STPG2: variants seen among roughly 807,000 people sequenced by gnomAD.
The protein encoded by STPG2 is sperm-tail PG-rich repeat-containing protein 2.
Under a neutral mutation model 54.2 loss-of-function variants are expected in STPG2, and 56 were observed. That is an observed-to-expected ratio of 1.03 (90% CI 0.83 to 1.29). The LOEUF (loss-of-function observed/expected upper bound fraction) is 1.29, where lower values mean the gene tolerates loss of function less well. Among genes scored for constraint, STPG2 ranks in the 50% most tolerant of loss-of-function variants. The pLI, the probability that STPG2 is intolerant of heterozygous loss-of-function variation, is 0.00. For synonymous variants in STPG2, 200 were observed against 181.8 expected (o/e 1.10, Z -0.81); for missense variants, 596 against 544.9 (o/e 1.09, Z -0.93).
At chr4:98,113,509 C>CT (rs1739420241) in intron 3 of STPG2, among the ~76,000 whole-genome samples, 2 of 151,986 alleles carry the variant, frequency 1.3e-5, no homozygotes, top group South Asian at 4.2e-4. Context: ...ATTTCCAGCA[C>CT]TGTACGTGGT....
At chr4:97,717,565 CTGTT>C in intron 9 of STPG2, among the ~76,000 whole-genome samples, 1 of 152,268 alleles carries the variant, frequency 6.6e-6, no homozygotes, top group East Asian at 1.9e-4. Flanking sequence ...ACAGCAATGT[CTGTT>C]TATCTGTGTA....
chr4:97,446,670 G>T (rs1729229879), intron 4 of STPG2, among the ~76,000 whole-genome samples: 1 of 152,144 alleles, frequency 6.6e-6, no homozygotes, highest in Non-Finnish European at 1.5e-5. Context: ...GTTCTCATGA[G>T]ATCTGATGGT....
intron 9 of STPG2, among the ~76,000 whole-genome samples, chr4:97,741,809 T>G (rs1272271388): frequency 6.6e-6 from 1 of 152,064 alleles, no homozygotes; most frequent in Non-Finnish European, 1.5e-5. Flanking sequence ...AGTGTGGCGA[T>G]TCCTCAGGGA....
chr4:97,768,144 G>A (rs1726113940), intron 9 of STPG2, among the ~76,000 whole-genome samples: 1 of 148,974 alleles, frequency 6.7e-6, no homozygotes, highest in Admixed American at 6.7e-5. Context: ...TCCAGCCTGG[G>A]CAACAGAGCG....
chr4:97,491,073 T>C (rs1730494351), intron 4 of STPG2, among the ~76,000 whole-genome samples: 1 of 151,512 alleles, frequency 6.6e-6, no homozygotes, highest in African/African-American at 2.4e-5. Context: ...ATATTCTAAC[T>C]CTGGTGAGGT....
intron 4 of STPG2, among the ~76,000 whole-genome samples, chr4:97,488,956 T>C (rs1254558667): frequency 2.0e-5 from 3 of 151,698 alleles, no homozygotes; most frequent in Non-Finnish European, 4.4e-5. Context: ...GTGTCCCCAC[T>C]CAAATCTCAT....
At chr4:97,934,938 C>T (rs1404486979) in intron 8 of STPG2, among the ~76,000 whole-genome samples, 2 of 152,180 alleles carry the variant, frequency 1.3e-5, no homozygotes, top group East Asian at 3.9e-4. Context: ...ATGGTAACAG[C>T]TCCTCTTTGT....
chr4:97,734,295 G>A (rs1272325673), intron 9 of STPG2, among the ~76,000 whole-genome samples: 1 of 152,094 alleles, frequency 6.6e-6, no homozygotes, highest in Admixed American at 6.5e-5. Flanking sequence ...AAATTCAGGA[G>A]TACAGTTGCA....
intron 7 of STPG2, among the ~76,000 whole-genome samples, chr4:97,969,500 C>T (rs1016491736): frequency 3.3e-5 from 5 of 152,170 alleles, no homozygotes; most frequent in Non-Finnish European, 7.3e-5. Flanking sequence ...AGTGACCCCC[C>T]TGGACCCAGC....
intron 10 of STPG2, among the ~76,000 whole-genome samples, chr4:97,590,692 C>A (rs1055173559): frequency 6.9e-6 from 1 of 144,406 alleles, no homozygotes; most frequent in Admixed American, 7.0e-5. Flanking sequence ...CATTAAAGGA[C>A]CAACAAAGAA....
chr4:97,542,322 A>T (rs1204884024), intron 4 of STPG2, among the ~76,000 whole-genome samples: 1 of 152,218 alleles, frequency 6.6e-6, no homozygotes, highest in Non-Finnish European at 1.5e-5. Flanking sequence ...ATGTACAGAG[A>T]CTTCTCAAAA....
chr4:97,895,485 C>A (rs1730922659), intron 8 of STPG2, among the ~76,000 whole-genome samples: 1 of 151,758 alleles, frequency 6.6e-6, no homozygotes, highest in Admixed American at 6.6e-5. Context: ...CATAATTATT[C>A]CTTCTGAAAT....
chr4:97,789,637 C>T (rs551053705), intron 9 of STPG2, among the ~76,000 whole-genome samples: 10 of 152,146 alleles, frequency 6.6e-5, no homozygotes, highest in South Asian at 2.1e-4. Context: ...TGATTATATA[C>T]GAACTATTTA....
intron 5 of STPG2, among the ~76,000 whole-genome samples, chr4:98,095,088 C>T (rs1022017689): frequency 1.3e-5 from 2 of 152,052 alleles, no homozygotes; most frequent in African/African-American, 2.4e-5. Context: ...ATGTTATTTG[C>T]TTATATAATT....
At chr4:98,018,228 T>C (rs1736035015) in intron 5 of STPG2, among the ~76,000 whole-genome samples, 1 of 151,962 alleles carries the variant, frequency 6.6e-6, no homozygotes, top group African/African-American at 2.4e-5. Context: ...CCATGTGTTC[T>C]CATTATTCAA....
intron 9 of STPG2, among the ~76,000 whole-genome samples, chr4:97,808,114 C>CTA (rs1727626504): frequency 1.3e-5 from 2 of 151,830 alleles, no homozygotes; most frequent in Non-Finnish European, 2.9e-5. Flanking sequence ...CCAGCAGAAC[C>CTA]ATACTAAAAG....
In STPG2 at chr4:97,471,631, A is replaced by G. The variant is rs1267160740; in HGVS notation, c.462+241068T>C. 5.3e-5 allele frequency among the ~76,000 whole-genome samples: 8 copies of G among 152,296 alleles called. 1 individual carries two copies. Among genetic ancestry groups the G allele is most frequent in the Admixed American group, 5.2e-4 (8 of 15,282 alleles). On this transcript the variant is annotated intron_variant, in intron 4 of 4. Transcript: ENST00000522676. The stretch of plus-strand genomic sequence containing the variant: ...AGGAACTAAATAGAAGTGGGAAAAA[A>G]GATCAGCACCCAACTTTCTCCCAGA...
intron 10 of STPG2, among the ~76,000 whole-genome samples, chr4:97,692,168 A>C (rs1451915176): frequency 6.6e-6 from 1 of 152,200 alleles, no homozygotes; most frequent in African/African-American, 2.4e-5. Flanking sequence ...CCAGCAGTGG[A>C]TCAAAACCAA....
At chr4:97,593,474 G>T (rs185463903) in intron 10 of STPG2, among the ~76,000 whole-genome samples, 2 of 152,134 alleles carry the variant, frequency 1.3e-5, no homozygotes, top group Non-Finnish European at 2.9e-5. Context: ...ACCATTGCAC[G>T]TGAGAATTTG....
Sources: gnomAD v4.1 joint callset for allele counts (sites outside exome capture counted in the v4.1 genomes callset) on GRCh38, gnomAD v4.1.1 for gene constraint, MANE v1.5 for transcripts, NCBI Gene and HGNC (gene_info 2026-07-23, HGNC 2026-07-21) for gene names.